Variants in DPH6 observed in about 807,000 individuals in gnomAD.
The protein encoded by DPH6 is diphthamine biosynthesis 6.
DPH6 carries 33 observed loss-of-function variants against 38.2 expected under a neutral mutation model. That is an observed-to-expected ratio of 0.86 (90% CI 0.65 to 1.15). DPH6 has a LOEUF of 1.15. DPH6 is among the 50% of genes most tolerant of loss of function. DPH6 has a pLI of 0.00. For synonymous variants in DPH6, 108 were observed against 103.0 expected (o/e 1.05, Z -0.30); for missense variants, 325 against 320.0 (o/e 1.02, Z -0.12).
the DPH6 span, among the ~76,000 whole-genome samples, chr15:35,203,693 A>C: frequency 6.6e-6 from 1 of 151,776 alleles, no homozygotes; most frequent in Admixed American, 6.6e-5. Flanking sequence ...TTTAGCTATT[A>C]AATTTATGAT....
At chr15:35,414,508 G>A (rs973774375) in intron 5 of DPH6, among the ~76,000 whole-genome samples, 12 of 151,676 alleles carry the variant, frequency 7.9e-5, no homozygotes, top group African/African-American at 2.4e-4. Context: ...CACCTAATGC[G>A]TACTTTTAAT....
intron 3 of DPH6, among the ~76,000 whole-genome samples, chr15:35,469,390 AAAGTTAAAAGTTAAAAGC>A (rs1035039052): frequency 9.9e-5 from 15 of 152,212 alleles, no homozygotes; most frequent in Admixed American, 4.6e-4. Flanking sequence ...AGTGATCAGA[AAAGTTAAAAGTTAAAAGC>A]AAGTTAAAAG....
the DPH6 span, among the ~76,000 whole-genome samples, chr15:35,196,477 G>A: frequency 6.6e-6 from 1 of 151,980 alleles, no homozygotes; most frequent in African/African-American, 2.4e-5. Flanking sequence ...GTGGGAGGAG[G>A]CGGGCTGTGT....
downstream of DPH6, among the ~76,000 whole-genome samples, chr15:35,327,089 C>G (rs575685686): frequency 3.3e-5 from 5 of 152,194 alleles, no homozygotes; most frequent in African/African-American, 1.2e-4. Context: ...ACTACAAGTG[C>G]AAAGGCCCTA....
At chr15:35,154,688 T>G in the DPH6 span, among the ~76,000 whole-genome samples, 1 of 152,210 alleles carries the variant, frequency 6.6e-6, no homozygotes, top group Non-Finnish European at 1.5e-5. Context: ...TGACTATGAC[T>G]GAAAGGAACA....
chr15:35,377,604 T>A (rs981175990), intron 7 of DPH6, among the ~76,000 whole-genome samples: 1 of 152,186 alleles, frequency 6.6e-6, no homozygotes, highest in African/African-American at 2.4e-5. Flanking sequence ...AAAGCTAGGC[T>A]ATAATTCTTC....
chr15:35,352,293 A>T (rs1388968809), intron 3 of DPH6, among the ~76,000 whole-genome samples: 1 of 151,618 alleles, frequency 6.6e-6, no homozygotes, highest in Non-Finnish European at 1.5e-5. Context: ...AATTTTTTTT[A>T]TTATACTTTA....
the DPH6 span, among the ~76,000 whole-genome samples, chr15:35,170,244 C>T: frequency 6.6e-6 from 1 of 152,172 alleles, no homozygotes; most frequent in South Asian, 2.1e-4. Context: ...GCAAAATGGT[C>T]TCATTCTTGA....
chr15:35,525,026 G>C (rs2054977803), intron 3 of DPH6, among the ~76,000 whole-genome samples: 1 of 151,980 alleles, frequency 6.6e-6, no homozygotes, highest in Non-Finnish European at 1.5e-5. Flanking sequence ...TTATGGACAG[G>C]GCACCATGAT....
At chr15:35,212,613 T>C (rs1018373634), downstream of DPH6, among the ~76,000 whole-genome samples, 6 of 152,344 alleles carry the variant, frequency 3.9e-5, no homozygotes, top group African/African-American at 1.4e-4. Flanking sequence ...AAATATACTT[T>C]TCATTAAAGA....
At chr15:35,417,089 T>C (rs867803290) in intron 5 of DPH6, among the ~76,000 whole-genome samples, 5 of 152,042 alleles carry the variant, frequency 3.3e-5, no homozygotes, top group East Asian at 1.9e-4. Context: ...ACAAAACTCA[T>C]AGTAATTGTT....
intron 3 of DPH6, among the ~76,000 whole-genome samples, chr15:35,289,323 CT>C (rs1193424191): frequency 6.6e-6 from 1 of 152,168 alleles, no homozygotes; most frequent in Non-Finnish European, 1.5e-5. Flanking sequence ...ATTTTATCCC[CT>C]GGCATAATTT....
downstream of DPH6, among the ~76,000 whole-genome samples, chr15:35,327,336 C>CTT (rs376483680): frequency 3.8e-4 from 49 of 127,762 alleles, 1 homozygote; most frequent in South Asian, 9.8e-4. Flanking sequence ...GAAAAGGTTC[C>CTT]TTTTTTTTTT....
chr15:35,240,246 A>T (rs2051588007), intron 3 of DPH6, among the ~76,000 whole-genome samples: 1 of 143,478 alleles, frequency 7.0e-6, no homozygotes, highest in African/African-American at 2.5e-5. Flanking sequence ...GATCTAAATA[A>T]TTCTTGTCCT....
intron 3 of DPH6, among the ~76,000 whole-genome samples, chr15:35,300,017 T>C (rs1385173987): frequency 3.3e-5 from 5 of 152,126 alleles, no homozygotes; most frequent in South Asian, 4.1e-4. Context: ...TGAGTGACGA[T>C]GGGCGCTTGT....
intron 5 of DPH6, among the ~76,000 whole-genome samples, chr15:35,438,973 A>G (rs113114504): frequency 6.6e-5 from 10 of 152,340 alleles, no homozygotes; most frequent in Admixed American, 5.2e-4. Flanking sequence ...ACTAGATTCA[A>G]AAGGGTATTA....
rs905771165 is a variant in DPH6 at position 35,454,648 on chromosome 15, C to T, written c.386+99G>A. 2.1e-5 allele frequency: 21 copies of T among 1,006,578 alleles called. No homozygotes were observed. The African/African-American group carries it at 3.3e-4, about 16-fold the overall frequency. 62.4% of individuals were successfully genotyped at this position (1,006,578 alleles called of 1,614,324 possible). A position where few individuals can be genotyped will look rare whatever the true frequency, so the allele number is the denominator to read the frequency against. ...TTAGTTCCATGGAGCACGTAGACTA[C>T]CATACCTATTTATAATTTGAATATG... On this transcript the variant is annotated intron_variant, in intron 4 of 8. Coordinates refer to ENST00000256538, the MANE Select transcript of DPH6 (RefSeq NM_080650.4).
intron 3 of DPH6, among the ~76,000 whole-genome samples, chr15:35,231,620 T>G (rs900709924): frequency 6.6e-6 from 1 of 152,224 alleles, no homozygotes; most frequent in Non-Finnish European, 1.5e-5. Flanking sequence ...TCACAGCACT[T>G]GTATTAGTCT....
At chr15:35,322,280 C>A (rs2052247330) in intron 3 of DPH6, among the ~76,000 whole-genome samples, 1 of 152,166 alleles carries the variant, frequency 6.6e-6, no homozygotes, top group Admixed American at 6.6e-5. Flanking sequence ...AAGCCCTTCC[C>A]ATAATCCTAT....
Sources: gnomAD v4.1 joint callset for allele counts (sites outside exome capture counted in the v4.1 genomes callset) on GRCh38, gnomAD v4.1.1 for gene constraint, MANE v1.5 for transcripts, NCBI Gene and HGNC (gene_info 2026-07-23, HGNC 2026-07-21) for gene names.